Variants in ATG10 observed in about 807,000 individuals in gnomAD.
ATG10 encodes the protein autophagy related 10.
ATG10 carries 30 observed loss-of-function variants against 32.1 expected under a neutral mutation model. That is an observed-to-expected ratio of 0.94 (90% confidence interval 0.70 to 1.27). The LOEUF (loss-of-function observed/expected upper bound fraction) is 1.27, where lower values mean the gene tolerates loss of function less well. Among genes scored for constraint, ATG10 ranks in the 50% most tolerant of loss-of-function variants. The pLI is 0.00. For missense variants in ATG10, 233 were observed against 262.3 expected (o/e 0.89, Z 0.77); for synonymous variants, 87 against 91.5 (o/e 0.95, Z 0.28).
intron 2 of ATG10, among the ~76,000 whole-genome samples, chr5:81,998,701 G>A (rs770085965): frequency 4.6e-4 from 70 of 151,994 alleles, no homozygotes; most frequent in Admixed American, 6.6e-4. Context: ...AAAATCTACC[G>A]AGAAAATGGA....
At chr5:81,996,638 A>G (rs1427387936) in intron 2 of ATG10, among the ~76,000 whole-genome samples, 3 of 152,216 alleles carry the variant, frequency 2.0e-5, no homozygotes, top group Non-Finnish European at 4.4e-5. Context: ...AGGACTATGC[A>G]TCAATAGCAA....
intron 2 of ATG10, among the ~76,000 whole-genome samples, chr5:82,054,421 G>A (rs1422390192): frequency 6.6e-6 from 1 of 152,138 alleles, no homozygotes; most frequent in African/African-American, 2.4e-5. Context: ...GCTGTGGCTG[G>A]TCCCCAGACC....
At chr5:82,045,733 T>C (rs964596084) in intron 2 of ATG10, among the ~76,000 whole-genome samples, 4 of 152,094 alleles carry the variant, frequency 2.6e-5, no homozygotes, top group African/African-American at 9.7e-5. Flanking sequence ...AAGAAACTTT[T>C]GTTACATTAA....
chr5:82,150,771 C>T (rs1303001523), intron 3 of ATG10, among the ~76,000 whole-genome samples: 1 of 152,220 alleles, frequency 6.6e-6, no homozygotes, highest in African/African-American at 2.4e-5. Flanking sequence ...ATTGTCACTG[C>T]CCCACAGACT....
At chr5:82,127,521 T>A (rs1766329110) in intron 3 of ATG10, among the ~76,000 whole-genome samples, 1 of 152,150 alleles carries the variant, frequency 6.6e-6, no homozygotes. Context: ...AATTTATTTG[T>A]GCCTTAATTT....
intron 5 of ATG10, among the ~76,000 whole-genome samples, chr5:82,200,862 A>ACATT (rs1298667944): frequency 7.3e-6 from 1 of 137,112 alleles, no homozygotes; most frequent in Non-Finnish European, 1.6e-5. Flanking sequence ...ATTTAAAAAT[A>ACATT]CATTATTTAT....
chr5:82,108,445 C>CAT (rs1765506786), intron 3 of ATG10, among the ~76,000 whole-genome samples: 1 of 151,428 alleles, frequency 6.6e-6, no homozygotes, highest in Non-Finnish European at 1.5e-5. Context: ...ATGTACATAT[C>CAT]ATATATGTAT....
At chr5:82,066,284 G>A (rs1263513226) in intron 3 of ATG10, among the ~76,000 whole-genome samples, 2 of 152,104 alleles carry the variant, frequency 1.3e-5, no homozygotes, top group Non-Finnish European at 2.9e-5. Flanking sequence ...AAGTTGGTCA[G>A]TAATTTTTAT....
intron 2 of ATG10, among the ~76,000 whole-genome samples, chr5:82,023,324 GT>G (rs1561259729): frequency 1.3e-5 from 2 of 151,984 alleles, no homozygotes; most frequent in Admixed American, 1.3e-4. Flanking sequence ...AATCATGAGT[GT>G]TTCAAGTTAT....
chr5:82,097,683 G>C (rs1765114976), intron 3 of ATG10, among the ~76,000 whole-genome samples: 1 of 152,146 alleles, frequency 6.6e-6, no homozygotes, highest in African/African-American at 2.4e-5. Context: ...AAAGATGCTA[G>C]CCATTAGGGT....
intron 2 of ATG10, among the ~76,000 whole-genome samples, chr5:81,995,690 G>A (rs1761644816): frequency 6.6e-6 from 1 of 152,110 alleles, no homozygotes; most frequent in Non-Finnish European, 1.5e-5. Flanking sequence ...AGACAAAAAT[G>A]GTGGCTGAGG....
intron 2 of ATG10, among the ~76,000 whole-genome samples, chr5:82,006,617 T>C (rs1761993119): frequency 6.6e-6 from 1 of 152,174 alleles, no homozygotes; most frequent in Admixed American, 6.5e-5. Context: ...AGCCATGAAA[T>C]ATTGTTTCTA....
chr5:82,070,068 C>T (rs1014824854), intron 3 of ATG10, among the ~76,000 whole-genome samples: 34 of 152,180 alleles, frequency 2.2e-4, no homozygotes, highest in Admixed American at 6.6e-5. Flanking sequence ...TCATGCAGTT[C>T]AAGCTAACCT....
intron 2 of ATG10, among the ~76,000 whole-genome samples, chr5:82,055,738 T>G (rs74712967): frequency 1.3e-5 from 2 of 152,206 alleles, no homozygotes; most frequent in Non-Finnish European, 2.9e-5. Flanking sequence ...TATTATAGTT[T>G]TACCGTATAG....
chr5:82,235,559 C>A (rs1342495360), intron 5 of ATG10, among the ~76,000 whole-genome samples: 3 of 152,084 alleles, frequency 2.0e-5, no homozygotes, highest in Non-Finnish European at 2.9e-5. Context: ...GATTGTGGTC[C>A]TCTATTCTCC....
At chr5:82,130,852 G>C (rs1671724704) in intron 3 of ATG10, among the ~76,000 whole-genome samples, 1 of 152,104 alleles carries the variant, frequency 6.6e-6, no homozygotes. Context: ...TCTGGGACAA[G>C]TCTTTCTATA....
intron 3 of ATG10, among the ~76,000 whole-genome samples, chr5:82,072,342 A>T (rs1404346387): frequency 6.6e-6 from 1 of 152,130 alleles, no homozygotes; most frequent in African/African-American, 2.4e-5. Flanking sequence ...TACGGGTGAC[A>T]GCTCTGCCCA....
At chr5:82,017,773 ATCT>A (rs959412255) in intron 2 of ATG10, among the ~76,000 whole-genome samples, 9 of 152,102 alleles carry the variant, frequency 5.9e-5, no homozygotes, top group African/African-American at 2.2e-4. Flanking sequence ...AAATTATTTG[ATCT>A]TCTAGCATCA....
chr5:82,058,968 CT>C (rs948552182), intron 3 of ATG10, among the ~76,000 whole-genome samples: 1 of 152,146 alleles, frequency 6.6e-6, no homozygotes, highest in African/African-American at 2.4e-5. Flanking sequence ...CAGATGCCTT[CT>C]GTTGTCTATT....
Sources: gnomAD v4.1 joint callset for allele counts (sites outside exome capture counted in the v4.1 genomes callset) on GRCh38, gnomAD v4.1.1 for gene constraint, MANE v1.5 for transcripts, NCBI Gene and HGNC (gene_info 2026-07-23, HGNC 2026-07-21) for gene names.